OPLAH: variants seen among roughly 807,000 people sequenced by gnomAD.
OPLAH encodes 5-oxoprolinase.
Under a neutral mutation model 122.8 loss-of-function variants are expected in OPLAH, and 103 were observed. The ratio of observed to expected loss-of-function variants is 0.84; its 90% CI spans 0.71 to 0.99. The LOEUF is 0.99. Ranked by LOEUF, OPLAH falls within the 50% of genes least tolerant of loss-of-function variation. The pLI, the probability that OPLAH is intolerant of heterozygous loss-of-function variation, is 0.00. For missense variants in OPLAH, 1,902 were observed against 1,836.5 expected, an observed-to-expected ratio of 1.04 and a Z score of -0.65; for synonymous variants, 875 against 796.0, an observed-to-expected ratio of 1.10 and a Z score of -1.67.
chr8:144,054,479 C>T (rs915033981), intron 19 of OPLAH, 82 bp downstream of exon 19: 49 of 1,412,072 alleles, frequency 3.5e-5, no homozygotes, highest in Middle Eastern at 4.4e-4. Context: ...GGCTGCATCC[C>T]ACGGTCCAGC....
downstream of OPLAH, chr8:144,051,087 G>T (rs1835361779): frequency 2.9e-6 from 4 of 1,358,358 alleles, no homozygotes; most frequent in Admixed American, 3.5e-5. Flanking sequence ...GCACTGGGAC[G>T]ACCCTCAACC....
rs1554758029 is a variant in OPLAH, at chr8:144,052,845, T to C, written c.3074A>G (p.Asn1025Ser). ...GGACAGGGTTACGGCCCGCGGTGCG[T>C]TGAGATTACCAAACACCTCCGGCCC... The part of the protein sequence containing the change: ...GTGPEVFGNL[N>S]APRAVTLSAL... Residue 1025 changes from asparagine to serine, a missense_variant, in exon 22 of 27, where the codon AAC (asparagine) becomes AGC (serine). Asn to Ser is a conservative substitution (Grantham distance 46, BLOSUM62 1). Coordinates refer to ENST00000618853, the MANE Select transcript of OPLAH (RefSeq NM_017570.5). 1.3e-6 allele frequency: 2 copies of C among 1,555,218 alleles called. No individual in the cohort carries two copies. The highest frequency in any genetic ancestry group is 2.4e-5 in the South Asian group (2 of 84,386).
chr8:144,060,429 T>A (rs1261951157), intron 1 of OPLAH, among the ~76,000 whole-genome samples: 1 of 152,006 alleles, frequency 6.6e-6, no homozygotes, highest in Non-Finnish European at 1.5e-5. Flanking sequence ...GGGAGGGGGT[T>A]TGGGGCGAGC....
chr8:144,055,748 G>T lies in OPLAH; in HGVS notation c.2248+40C>A. 1 of 1,463,152 alleles carries T rather than the reference G, an allele frequency of 6.8e-7. No individual in the cohort carries two copies. 90.6% of individuals were successfully genotyped at this position (1,463,152 alleles called of 1,614,324 possible). ...CTGCCAGCTACCCCATGACACAGCC[G>T]GCGCCTCATCCCACAGGGAGCCTGG... is the stretch of plus-strand genomic sequence containing the variant. On this transcript the variant is annotated intron_variant, in intron 16 of 26. Transcript: ENST00000618853. The surrounding 1 kb of genome is among the most constrained non-coding windows in gnomAD (Gnocchi z 6.5).
chr8:144,054,056 A>C (rs1290275625), intron 19 of OPLAH, among the ~76,000 whole-genome samples: 1 of 133,450 alleles, frequency 7.5e-6, no homozygotes, highest in African/African-American at 2.9e-5. Context: ...CTTGCCCCCC[A>C]GCCTCCAGGC....
rs782459695 is a variant in OPLAH at position 144,053,227 on chromosome 8, G to A, written c.2853C>T (p.Ala951=). 25 of 1,612,818 alleles carry A rather than the reference G, an allele frequency of 1.6e-5. No individual in the cohort carries two copies. In the East Asian group the frequency reaches 4.5e-4, roughly 29 times the overall value. ...IGQYGLDVVQ[A]YMGHIQANAE... ...GGCCCACCTGAATATGGCCCATGTA[G>A]GCCTGCACCACGTCCAGGCCGTACT... is the stretch of plus-strand genomic sequence containing the variant. The change falls in exon 20 of 27, where the codon GCC becomes GCT. Residue 951 remains alanine, a synonymous_variant. Transcript: ENST00000618853.
In OPLAH at chr8:144,056,378, C is replaced by T. The variant is rs782391658; in HGVS notation, c.1983+7G>A. ...GCTGTCAGGCTGGCACAGGCAGGAC[C>T]ACCAACCTTGTCCACCCGGGGAGGC... On this transcript the variant is annotated splice_region_variant and intron_variant, in intron 14 of 26. Transcript: ENST00000618853. 6.2e-7 allele frequency: 1 copy of T among 1,602,314 alleles called. No homozygotes were observed. The highest frequency in any genetic ancestry group is 1.7e-5 in the Admixed American group (1 of 58,920).
At chr8:144,054,976 G>T (rs1193412919) in intron 17 of OPLAH, 53 bp downstream of exon 17, 23 of 1,049,428 alleles carry the variant, frequency 2.2e-5, no homozygotes, top group Non-Finnish European at 2.9e-5. Flanking sequence ...GGGGTGGGGG[G>T]GGGGTGGAGG....
At position 144,054,579 on chromosome 8, in the gene OPLAH, C is replaced by G. The variant is rs782075372; in HGVS notation, c.2668G>C (p.Gly890Arg). The stretch of plus-strand genomic sequence containing the variant: ...CACTCACCCTCCTCCTGGAAGACGC[C>G]CCCCTGGACAAGTTTGAAGGACAGA... The part of the protein sequence containing the change: ...VFLSFKLVQG[G>R]VFQEEAVTEA... Residue 890 changes from glycine (G) to arginine (R), a missense_variant, in exon 19 of 27, where the codon GGC (glycine) becomes CGC (arginine). Gly to Arg is a moderately radical substitution (Grantham distance 125, BLOSUM62 -2). Coordinates refer to ENST00000618853, the MANE Select transcript of OPLAH (RefSeq NM_017570.5). 1 of 1,592,582 alleles carries G rather than the reference C, an allele frequency of 6.3e-7. No homozygotes were observed. The highest frequency in any genetic ancestry group is 2.3e-5 in the East Asian group (1 of 44,382).
upstream of OPLAH, among the ~76,000 whole-genome samples, chr8:144,061,788 C>T (rs559280438): frequency 1.1e-4 from 16 of 152,206 alleles, no homozygotes; most frequent in South Asian, 3.1e-3. Flanking sequence ...TTTGGGAGAC[C>T]GAGGCGTGTG....
rs781798171 is a variant in OPLAH at position 144,057,483 on chromosome 8, C to G, written c.1387G>C (p.Glu463Gln). 2 of 1,594,178 alleles carry G rather than the reference C, an allele frequency of 1.3e-6. No individual in the cohort carries two copies. Among genetic ancestry groups the G allele is most frequent in the Non-Finnish European group, 1.7e-6 (2 of 1,171,028 alleles). The change falls in exon 10 of 27, where the codon GAG (glutamate) becomes CAG (glutamine). Residue 463 changes from glutamate (E) to glutamine (Q), a missense_variant. By Grantham distance (29) the Glu-to-Gln change is conservative. Transcript: ENST00000618853. ...GCACGGATGGGCCGGCACATGGCCTCGTTGGCCACGCGCACGAACCCCATG... is the reference window on the plus strand; with the variant it reads ...GCACGGATGGGCCGGCACATGGCCTGGTTGGCCACGCGCACGAACCCCATG... ...VAMGFVRVAN[E>Q]AMCRPIRALT...
Position 144,052,801 on chromosome 8 carries a change from G to A in OPLAH, c.3118C>T (p.Arg1040Cys). 6.4e-7 allele frequency: 1 copy of A among 1,563,168 alleles called. No homozygotes were observed. The highest frequency in any genetic ancestry group is 8.7e-7 in the Non-Finnish European group (1 of 1,154,824). Residue 1040 changes from arginine (R) to cysteine (C), a missense_variant, in exon 22 of 27, where the codon CGC becomes TGC. By Grantham distance (180) the Arg-to-Cys change is radical (BLOSUM62 -3). Coordinates refer to ENST00000618853, the MANE Select transcript of OPLAH (RefSeq NM_017570.5). ...VTLSALIYCLRCLVGRDIPLN... is the reference protein window; with the variant it reads ...VTLSALIYCLCCLVGRDIPLN... ...GGGATGTCGCGGCCCACCAGACAGC[G>A]CAGGCAGTAGATGAGGGCGGACAGG...
Position 144,055,847 on chromosome 8 carries a change from C to A in OPLAH, c.2189G>T (p.Gly730Val). The change falls in exon 16 of 27, where the codon GGC becomes GTC. Residue 730 changes from glycine to valine, a missense_variant. This residue lies in a region of OPLAH where 1,726 missense variants were observed against 1,642.1 expected (regional missense o/e 1.05). Transcript: ENST00000618853. This position sits in a 1 kb window ranked among gnomAD's most constrained non-coding sequence, Gnocchi z 6.5. ...CAGCTGGATAGGGTCCAGCTGGGGG[C>A]CCACTGTGCCGGGGACTTCGGCCCC... is the stretch of plus-strand genomic sequence containing the variant. ...SVGAEVPGTV[G>V]PQLDPIQLSI... is the part of the protein sequence containing the mutation. The A allele has an allele frequency of 6.3e-7, 1 of 1,575,656 alleles. No homozygotes were observed. Among genetic ancestry groups the A allele is most frequent in the Non-Finnish European group, 8.6e-7 (1 of 1,161,332 alleles).
Position 144,054,639 on chromosome 8 carries a change from G to A in OPLAH, c.2608C>T (p.His870Tyr). The A allele has an allele frequency of 6.2e-7, 1 of 1,611,196 alleles. No homozygotes were observed. The highest frequency in any genetic ancestry group is 8.5e-7 in the Non-Finnish European group (1 of 1,178,682). The part of the protein sequence containing the change: ...GGITPGSMPP[H>Y]STMLQQEGAV... ...CCCTCCTGTTGCAGCATGGTGGAGT[G>A]GGGGGGCATGGAGCCTGGTGTGATG... The change falls in exon 19 of 27, where the codon CAC (histidine) becomes TAC (tyrosine). Residue 870 changes from histidine (H) to tyrosine (Y), a missense_variant. Transcript: ENST00000618853.
At position 144,058,557 on chromosome 8, in the gene OPLAH, A is replaced by T; in HGVS notation, c.722T>A (p.Leu241His). 1 of 1,600,596 alleles carries T rather than the reference A, an allele frequency of 6.2e-7. No individual in the cohort carries two copies. The highest frequency in any genetic ancestry group is 8.5e-7 in the Non-Finnish European group (1 of 1,178,624). Residue 241 changes from leucine to histidine, a missense_variant, in exon 6 of 27, where the codon CTC becomes CAC. By Grantham distance (99) the Leu-to-His change is moderately conservative. This residue lies in a region of OPLAH where 1,726 missense variants were observed against 1,642.1 expected (regional missense o/e 1.05). Transcript: ENST00000618853. ...RGHTACADAY[L>H]TPAIQRYVQG... ...CACGTAGCGCTGGATGGCGGGCGTGAGGTAGGCGTCGGCACAGGCCGTGTG... is the reference window on the plus strand; with the variant it reads ...CACGTAGCGCTGGATGGCGGGCGTGTGGTAGGCGTCGGCACAGGCCGTGTG...
chr8:144,053,180 G>T, intron 20 of OPLAH, 29 bp downstream of exon 20: 1 of 1,610,240 alleles, frequency 6.2e-7, no homozygotes, highest in Non-Finnish European at 8.5e-7. Context: ...GGATGGCCCT[G>T]CCGCCCACAC....
downstream of OPLAH, chr8:144,051,134 C>A: frequency 4.3e-6 from 6 of 1,406,028 alleles, no homozygotes; most frequent in South Asian, 9.2e-5. Flanking sequence ...AGGTGACGTT[C>A]AGTACCGCCC....
upstream of OPLAH, chr8:144,063,644 A>C (rs1391972099): frequency 5.2e-5 from 8 of 152,630 alleles, no homozygotes; most frequent in Non-Finnish European, 1.2e-4. This position sits in a 1 kb window ranked among gnomAD's most constrained non-coding sequence, Gnocchi z 4.2. Context: ...GAGGCACCGC[A>C]GCACCCAGCG....
Position 144,051,771 on chromosome 8 carries a change from C to T in OPLAH, c.3678G>A (p.Thr1226=), listed in dbSNP as rs372193469. Residue 1226 remains threonine, a synonymous_variant, in exon 26 of 27, where the codon ACG becomes ACA. Coordinates refer to ENST00000618853, the MANE Select transcript of OPLAH (RefSeq NM_017570.5). The stretch of plus-strand genomic sequence containing the variant: ...CCGACGTCTTGCCGCCCAGATTCAC[C>T]GTCCGGCCGTTTTTGCGGATCAGCA... ...LNLLIRKNGR[T]VNLGGKTSVT... is the part of the protein sequence containing the mutation. 13 of 1,607,408 alleles carry T rather than the reference C, an allele frequency of 8.1e-6. No individual in the cohort carries two copies. In the African/African-American group the frequency reaches 1.7e-4, roughly 22 times the overall value.
Sources: gnomAD v4.1 joint callset for allele counts (sites outside exome capture counted in the v4.1 genomes callset) on GRCh38, gnomAD v4.1.1 for gene constraint, gnomAD v4.1.1 regional missense constraint, Gnocchi (gnomAD v3.1) non-coding constraint, MANE v1.5 for transcripts, NCBI Gene and HGNC (gene_info 2026-07-23, HGNC 2026-07-21) for gene names.